The following UNC13B variants were observed in gnomAD, a reference collection of about 807,000 sequenced individuals.
UNC13B encodes protein unc-13 homolog B.
A neutral mutation model predicts 211.0 loss-of-function variants in UNC13B; 144 were observed. That is an observed-to-expected ratio of 0.68 (90% CI 0.60 to 0.78). UNC13B has a LOEUF of 0.78. UNC13B is among the 30% of genes least tolerant of loss of function. The pLI is 0.00. For synonymous variants in UNC13B, 709 were observed against 725.8 expected, an observed-to-expected ratio of 0.98 and a Z score of 0.37; for missense variants, 1,777 against 2,002.0, an observed-to-expected ratio of 0.89 and a Z score of 2.14.
chr9:35,241,577 AC>A (rs1276882499), intron 5 of UNC13B, among the ~76,000 whole-genome samples: 1 of 146,636 alleles, frequency 6.8e-6, no homozygotes, highest in Non-Finnish European at 1.5e-5. Flanking sequence ...ACACACACAC[AC>A]ACACACACAC....
intron 1 of UNC13B, among the ~76,000 whole-genome samples, chr9:35,225,379 C>T (rs958953542): frequency 6.6e-5 from 10 of 152,088 alleles, no homozygotes; most frequent in East Asian, 5.8e-4. Context: ...AAGCTGGTCT[C>T]GAATTCCTTA....
At chr9:35,244,098 C>T (rs772414229) in intron 6 of UNC13B, among the ~76,000 whole-genome samples, 4 of 151,766 alleles carry the variant, frequency 2.6e-5, no homozygotes, top group East Asian at 1.9e-4. Flanking sequence ...TCAGGTAGAG[C>T]GTATGGAGAC....
intron 7 of UNC13B, among the ~76,000 whole-genome samples, chr9:35,288,989 C>G (rs1828943034): frequency 8.8e-6 from 1 of 114,084 alleles, no homozygotes; most frequent in Non-Finnish European, 1.8e-5. Context: ...GCTATGGCAA[C>G]TGTTCTACAG....
intron 11 of UNC13B, among the ~76,000 whole-genome samples, chr9:35,335,129 T>C (rs746028993): frequency 2.0e-5 from 3 of 152,136 alleles, no homozygotes; most frequent in Non-Finnish European, 4.4e-5. Context: ...TAACTGAAAA[T>C]AGTTGCCACA....
chr9:35,305,316 AAAAG>A lies in UNC13B; in HGVS notation c.5919_5922del (p.Lys1973AsnfsTer34), dbSNP rs779638003. On this transcript the variant is annotated frameshift_variant, in exon 9 of 40. Transcript: ENST00000635942. LOFTEE classifies it high-confidence loss of function. Reference sequence around the variant, plus strand: ...ACAAATGTCAAGATACCACCTCAAGAAAAGAAAGAATCTTCTGGTGTTTCAAATT... The same window carrying A: ...ACAAATGTCAAGATACCACCTCAAGAAAAGAATCTTCTGGTGTTTCAAATT... The A allele has an allele frequency of 5.8e-5, 23 of 398,848 alleles. No individual in the cohort carries two copies. Among genetic ancestry groups the A allele is most frequent in the Non-Finnish European group, 9.7e-5 (22 of 226,012 alleles). 24.7% of individuals were successfully genotyped at this position (398,848 alleles called of 1,614,324 possible).
chr9:35,256,414 C>T (rs535123202), intron 6 of UNC13B, among the ~76,000 whole-genome samples: 4 of 152,190 alleles, frequency 2.6e-5, no homozygotes, highest in South Asian at 2.1e-4. Context: ...CCTTGTCTGT[C>T]TTCTGACTGT....
intron 1 of UNC13B, among the ~76,000 whole-genome samples, chr9:35,215,897 A>G (rs1824222307): frequency 6.6e-6 from 1 of 152,240 alleles, no homozygotes; most frequent in Non-Finnish European, 1.5e-5. Context: ...TTATGATGAT[A>G]GTAATTTAAT....
intron 1 of UNC13B, among the ~76,000 whole-genome samples, chr9:35,173,320 G>A (rs1383775550): frequency 6.6e-6 from 1 of 152,040 alleles, no homozygotes. Flanking sequence ...ATATAAACCT[G>A]TATGTCTACC....
At chr9:35,246,159 G>A (rs867326472) in intron 6 of UNC13B, among the ~76,000 whole-genome samples, 45 of 152,154 alleles carry the variant, frequency 3.0e-4, no homozygotes, top group African/African-American at 1.1e-3. Context: ...CTTTTGAGAA[G>A]TGCCTGTTCA....
At chr9:35,366,838 G>A (rs1833800208) in intron 11 of UNC13B, 109 bp from the exon 12 acceptor site, 1 of 908,774 alleles carries the variant, frequency 1.1e-6, no homozygotes, top group African/African-American at 1.6e-5. Context: ...ACCACATGGT[G>A]AATGTGACTT....
At chr9:35,294,569 G>A (rs1329471212) in intron 7 of UNC13B, among the ~76,000 whole-genome samples, 1 of 152,236 alleles carries the variant, frequency 6.6e-6, no homozygotes, top group Non-Finnish European at 1.5e-5. Context: ...GACTCCCAAA[G>A]TGCTGGGATT....
chr9:35,310,619 A>G lies in UNC13B; in HGVS notation c.9161A>G (p.Asp3054Gly), dbSNP rs773363405. ...SCHSSHSLSR[D>G]GQAGFGEQEK... The stretch of plus-strand genomic sequence containing the variant: ...CACAGCTCTCACAGCCTGTCCAGAG[A>G]TGGCCAAGCAGGTTTTGGAGAACAA... The change falls in exon 10 of 40, where the codon GAT becomes GGT. Residue 3054 changes from aspartate to glycine, a missense_variant. Coordinates refer to ENST00000635942, the MANE Select transcript of UNC13B (RefSeq NM_001371189.2). The G allele has an allele frequency of 1.1e-5, 17 of 1,613,888 alleles. No homozygotes were observed. Among genetic ancestry groups the G allele is most frequent in the Non-Finnish European group, 1.4e-5 (17 of 1,180,014 alleles).
chr9:35,232,327 T>C (rs182072513), intron 3 of UNC13B, among the ~76,000 whole-genome samples: 1 of 151,514 alleles, frequency 6.6e-6, no homozygotes, highest in Non-Finnish European at 1.5e-5. Context: ...ACTACAAGCA[T>C]GTACCATCAC....
chr9:35,399,491 G>A, intron 35 of UNC13B, 43 bp downstream of exon 35: 2 of 1,613,466 alleles, frequency 1.2e-6, no homozygotes, highest in South Asian at 1.1e-5. Flanking sequence ...TGGTCCTTCT[G>A]AAGTCATGGA....
At chr9:35,194,130 CAG>C (rs900215918) in intron 1 of UNC13B, among the ~76,000 whole-genome samples, 3 of 152,170 alleles carry the variant, frequency 2.0e-5, no homozygotes, top group African/African-American at 7.2e-5. Context: ...AGACCAAGGG[CAG>C]AGAGTGATGC....
intron 1 of UNC13B, among the ~76,000 whole-genome samples, chr9:35,182,252 A>C (rs919284409): frequency 6.6e-6 from 1 of 151,998 alleles, no homozygotes; most frequent in African/African-American, 2.4e-5. Flanking sequence ...CTTCTAGTGC[A>C]TTTTTATACT....
At chr9:35,233,929 T>G (rs1042915444) in intron 3 of UNC13B, among the ~76,000 whole-genome samples, 2 of 152,160 alleles carry the variant, frequency 1.3e-5, no homozygotes, top group Non-Finnish European at 2.9e-5. Flanking sequence ...GATGAGAAGC[T>G]TCTTATAGAA....
In UNC13B at chr9:35,386,299, AG is replaced by A; in HGVS notation, c.11094+8del. ...ACAGCCGCCAGTACCAGCTGGTAAG[AG>A]GTTCAGGATCAGGTGGGGCCAGCTG... On this transcript the variant is annotated splice_region_variant and intron_variant, in intron 24 of 39. Transcript: ENST00000635942. 6.2e-7 allele frequency: 1 copy of A among 1,614,022 alleles called. No individual in the cohort carries two copies. The highest frequency in any genetic ancestry group is 8.5e-7 in the Non-Finnish European group (1 of 1,179,966).
rs1174051334 is a variant in UNC13B, at chr9:35,162,291, T to C, written c.8T>C (p.Leu3Pro). 1.9e-6 allele frequency: 3 copies of C among 1,542,222 alleles called. No homozygotes were observed. Among genetic ancestry groups the C allele is most frequent in the Admixed American group, 1.9e-5 (1 of 51,360 alleles). Residue 3 changes from leucine to proline, a missense_variant, in exon 1 of 40, where the codon CTG becomes CCG. Leu to Pro is a moderately conservative substitution (Grantham distance 98). Coordinates refer to ENST00000635942, the MANE Select transcript of UNC13B (RefSeq NM_001371189.2). ...CTTGCCCGATCCTCGGCCATGTCAC[T>C]GCTCTGCGTGCGCGGTGAGTGCGCG... MS[L>P]LCVRVKRAKF...
Sources: allele counts gnomAD v4.1 joint callset (sites outside exome capture counted in the v4.1 genomes callset), GRCh38; gene constraint gnomAD v4.1.1; transcripts MANE v1.5; gene names NCBI Gene and HGNC (gene_info 2026-07-23, HGNC 2026-07-21).